The following DLGAP2 variants were observed in gnomAD, a reference collection of about 807,000 sequenced individuals.
The protein encoded by DLGAP2 is DLG associated protein 2.
A neutral mutation model predicts 100.3 loss-of-function variants in DLGAP2; 26 were observed. That is an observed-to-expected ratio of 0.26 (90% CI 0.19 to 0.36). DLGAP2 has a LOEUF of 0.36. Among genes scored for constraint, DLGAP2 ranks in the 10% least tolerant of loss-of-function variants. The pLI, the probability that DLGAP2 is intolerant of heterozygous loss-of-function variation, is 1.00. For missense variants in DLGAP2, 1,858 were observed against 1,453.2 expected (o/e 1.28, Z -4.53); for synonymous variants, 886 against 630.1 (o/e 1.41, Z -6.08).
At chr8:1,700,134 C>G (rs76077256) in intron 14 of DLGAP2, among the ~76,000 whole-genome samples, 4,598 of 152,298 alleles carry the variant, frequency 0.03, 92 homozygotes, top group East Asian at 0.062. Flanking sequence ...AGGCTTCTTG[C>G]CACAGGCCTC....
intron 6 of DLGAP2, among the ~76,000 whole-genome samples, chr8:1,573,480 G>T (rs1802834421): frequency 6.6e-6 from 1 of 152,056 alleles, no homozygotes; most frequent in Non-Finnish European, 1.5e-5. Context: ...GACAGAAAGG[G>T]TGAAGAGTGT....
intron 2 of DLGAP2, among the ~76,000 whole-genome samples, chr8:1,067,589 C>T (rs1381254893): frequency 6.7e-6 from 1 of 148,986 alleles, no homozygotes; most frequent in Non-Finnish European, 1.5e-5. Flanking sequence ...AACCAAGACT[C>T]AGGTGGTTGA....
At chr8:1,583,827 A>G (rs890732457) in intron 6 of DLGAP2, among the ~76,000 whole-genome samples, 1 of 151,972 alleles carries the variant, frequency 6.6e-6, no homozygotes, top group East Asian at 1.9e-4. Context: ...GGTTTGCCTG[A>G]TCCCAGTGCA....
chr8:799,965 G>A (rs1282588089), intron 1 of DLGAP2, among the ~76,000 whole-genome samples: 1 of 152,126 alleles, frequency 6.6e-6, no homozygotes, highest in Non-Finnish European at 1.5e-5. Flanking sequence ...GATTGGATTC[G>A]CATTTCTAGT....
intron 2 of DLGAP2, among the ~76,000 whole-genome samples, chr8:1,067,779 G>C (rs1803303558): frequency 6.6e-6 from 1 of 151,302 alleles, no homozygotes; most frequent in Non-Finnish European, 1.5e-5. Flanking sequence ...TGCATTTAGT[G>C]CAGCTGATGG....
intron 3 of DLGAP2, among the ~76,000 whole-genome samples, chr8:1,329,299 C>T (rs1214273475): frequency 6.6e-6 from 1 of 152,142 alleles, no homozygotes; most frequent in African/African-American, 2.4e-5. Flanking sequence ...ACAAGTGCAC[C>T]AGAGAGTGCT....
At chr8:1,438,672 A>T (rs1322076149) in intron 3 of DLGAP2, among the ~76,000 whole-genome samples, 1 of 152,350 alleles carries the variant, frequency 6.6e-6, no homozygotes, top group South Asian at 2.1e-4. Context: ...TTCTCCTCCA[A>T]GGGCAGGATT....
chr8:782,181 T>C (rs1215103623), intron 1 of DLGAP2, among the ~76,000 whole-genome samples: 1 of 152,000 alleles, frequency 6.6e-6, no homozygotes, highest in Non-Finnish European at 1.5e-5. Flanking sequence ...CTCCCAGATA[T>C]GCACATTTAT....
chr8:1,575,552 T>C (rs531052344), intron 6 of DLGAP2, among the ~76,000 whole-genome samples: 309 of 150,838 alleles, frequency 2.0e-3, no homozygotes, highest in Non-Finnish European at 3.7e-3. Context: ...ATGTGCCATG[T>C]TGGTGTGCTG....
At chr8:1,671,138 G>A (rs1039664333) in intron 10 of DLGAP2, among the ~76,000 whole-genome samples, 2 of 152,244 alleles carry the variant, frequency 1.3e-5, no homozygotes, top group African/African-American at 4.8e-5. Flanking sequence ...CCAAGGCCAT[G>A]AGTGAAGGCA....
chr8:1,414,783 C>A (rs562477646), intron 3 of DLGAP2, among the ~76,000 whole-genome samples: 1 of 152,276 alleles, frequency 6.6e-6, no homozygotes, highest in East Asian at 1.9e-4. Context: ...CCAAGGTGGG[C>A]AGATCACCTG....
intron 2 of DLGAP2, among the ~76,000 whole-genome samples, chr8:1,095,482 T>G (rs1388039311): frequency 6.6e-6 from 1 of 152,162 alleles, no homozygotes; most frequent in Non-Finnish European, 1.5e-5. Context: ...GGTTTTTGGG[T>G]GAAGTGATTC....
Position 1,632,844 on chromosome 8 carries a change from C to G in DLGAP2, c.1608C>G (p.Ile536Met), listed in dbSNP as rs780760175. ...GATTGCAGGTGAGCGAGGCGGAGAT[C>G]AATGGGCAATTCGAGTCCGTGTGCG... is the stretch of plus-strand genomic sequence containing the variant. ...SCVSQVSEAE[I>M]NGQFESVCES... is the part of the protein sequence containing the mutation. The change falls in exon 8 of 15, where the codon ATC (isoleucine) becomes ATG (methionine). Residue 536 changes from isoleucine to methionine, a missense_variant. Physicochemically the swap from Ile to Met is conservative, Grantham distance 10 (BLOSUM62 1). Transcript: ENST00000637795. 6.2e-7 allele frequency: 1 copy of G among 1,611,760 alleles called. No homozygotes were observed. The highest frequency in any genetic ancestry group is 1.7e-5 in the Admixed American group (1 of 59,908).
rs58627103 is a variant in DLGAP2, at chr8:1,198,092, C to CTG, written c.74-60745_74-60744dup. Among the ~76,000 whole-genome samples, 1,228 of 151,064 alleles carry CTG rather than the reference C, an allele frequency of 8.1e-3. 19 individuals are homozygous for CTG. The highest frequency in any genetic ancestry group is 0.027 in the African/African-American group (1,122 of 41,204). ...TCTGTGGACTGTTACCTGTGTGGTT[C>CTG]TGTGTGTGTGTGTGTACGTGTGTGC... On this transcript the variant is annotated intron_variant, in intron 2 of 14. Coordinates refer to ENST00000637795, the MANE Select transcript of DLGAP2 (RefSeq NM_001346810.2).
At chr8:1,516,844 G>A (rs1800410725) in intron 4 of DLGAP2, among the ~76,000 whole-genome samples, 1 of 152,190 alleles carries the variant, frequency 6.6e-6, no homozygotes, top group African/African-American at 2.4e-5. Flanking sequence ...GCCTTTTTTT[G>A]TGCTGAAATT....
chr8:1,671,634 G>T (rs550683869), intron 10 of DLGAP2, among the ~76,000 whole-genome samples: 1 of 152,228 alleles, frequency 6.6e-6, no homozygotes, highest in Admixed American at 6.5e-5. Context: ...ATAATTACTG[G>T]GCTACGTCTA....
chr8:1,454,454 G>T (rs1563159262), intron 3 of DLGAP2, among the ~76,000 whole-genome samples: 1 of 152,036 alleles, frequency 6.6e-6, no homozygotes. Context: ...GGGGAGGGCA[G>T]GTCTTTCTGG....
chr8:1,482,445 A>G (rs1317367389), intron 3 of DLGAP2, among the ~76,000 whole-genome samples: 1 of 152,266 alleles, frequency 6.6e-6, no homozygotes. Flanking sequence ...TTTTTAAAGA[A>G]TGTATTAAAA....
chr8:1,127,703 C>A (rs1217082302), intron 2 of DLGAP2, among the ~76,000 whole-genome samples: 1 of 152,226 alleles, frequency 6.6e-6, no homozygotes. Flanking sequence ...CCGGCATTAA[C>A]AGAAAACCTT....
Sources: gnomAD v4.1 joint callset for allele counts (sites outside exome capture counted in the v4.1 genomes callset) on GRCh38, gnomAD v4.1.1 for gene constraint, MANE v1.5 for transcripts, NCBI Gene and HGNC (gene_info 2026-07-23, HGNC 2026-07-21) for gene names.